NAV1: variants seen among roughly 807,000 people sequenced by gnomAD.
NAV1 encodes neuron navigator 1.
NAV1 carries 18 observed loss-of-function variants against 175.2 expected under a neutral mutation model. That is an observed-to-expected ratio of 0.10 (90% CI 0.07 to 0.15). The LOEUF is 0.15. Among genes scored for constraint, NAV1 ranks in the 10% least tolerant of loss-of-function variants. The probability of loss-of-function intolerance (pLI) is 1.00; values close to 1 mark genes in which losing one functional copy is unlikely to be tolerated. For missense variants in NAV1, 1,731 were observed against 2,436.6 expected (o/e 0.71, Z 6.10); for synonymous variants, 897 against 978.7 (o/e 0.92, Z 1.56).
chr1:201,561,393 A>T (rs1461746458), intron 1 of NAV1, among the ~76,000 whole-genome samples: 1 of 152,236 alleles, frequency 6.6e-6, no homozygotes, highest in Non-Finnish European at 1.5e-5. Context: ...CAAAAACAGG[A>T]TGTGGGAGCT....
intron 1 of NAV1, among the ~76,000 whole-genome samples, chr1:201,702,849 C>T (rs1188818814): frequency 6.6e-6 from 1 of 152,120 alleles, no homozygotes; most frequent in East Asian, 1.9e-4. Context: ...TACTCAACCT[C>T]CCCAGGCTTC....
In NAV1 at chr1:201,708,848, G is replaced by C. The variant is rs373253083; in HGVS notation, c.758-3969G>C. On this transcript the variant is annotated intron_variant, in intron 1 of 29. Transcript: ENST00000367296. ...GCAGCCTCCAGGGCATCTCAACTTA[G>C]CCAATAAAACAAGCCATTAGCCAGG... is the stretch of plus-strand genomic sequence containing the variant. Among the ~76,000 whole-genome samples, 3 of 152,076 alleles carry C rather than the reference G, an allele frequency of 2.0e-5. No homozygotes were observed. In the East Asian group the frequency reaches 5.8e-4, roughly 29 times the overall value.
intron 2 of NAV1, among the ~76,000 whole-genome samples, chr1:201,642,921 C>T (rs531428755): frequency 2.0e-5 from 3 of 152,094 alleles, no homozygotes; most frequent in Non-Finnish European, 4.4e-5. Flanking sequence ...AGGCGCCCAC[C>T]ACCACACCTA....
At chr1:201,687,097 C>A (rs1483490893) in intron 1 of NAV1, among the ~76,000 whole-genome samples, 1 of 152,226 alleles carries the variant, frequency 6.6e-6, no homozygotes, top group East Asian at 1.9e-4. Context: ...TTAGGAAGGT[C>A]TCCTTTGCCA....
chr1:201,726,438 G>A (rs1672609244), intron 3 of NAV1, among the ~76,000 whole-genome samples: 1 of 152,086 alleles, frequency 6.6e-6, no homozygotes, highest in South Asian at 2.1e-4. Flanking sequence ...GAGGTCAGGA[G>A]TTCAAGACCA....
rs1405380998 is a variant in NAV1 at position 201,821,126 on chromosome 1, T to C, written c.*1194T>C. The C allele has an allele frequency of 3.3e-5, 5 of 152,724 alleles. No homozygotes were observed. In the East Asian group the frequency reaches 7.7e-4, roughly 24 times the overall value. The allele number at this position is 152,724 out of a possible 1,614,324, so 9.5% of individuals were successfully genotyped here. A position where few individuals can be genotyped will look rare whatever the true frequency, so the allele number is the denominator to read the frequency against. ...ATGAGAAGGTATAGCCCCATCTTGA[T>C]AGAAGAGTTACTCCGAGCTTTATCA... is the stretch of plus-strand genomic sequence containing the variant. On this transcript the variant is annotated 3_prime_UTR_variant, in exon 30 of 30. Coordinates refer to ENST00000367296, the Ensembl canonical transcript of NAV1.
intron 14 of NAV1, 114 bp downstream of exon 18, chr1:201,793,989 T>C: frequency 1.2e-6 from 1 of 844,534 alleles, no homozygotes; most frequent in Non-Finnish European, 1.9e-6. Context: ...TCTCCCCACC[T>C]CACTGTCACC....
At position 201,545,360 on chromosome 1, in the gene NAV1, C is replaced by CT. The variant is rs889765521; in HGVS notation, c.-144+6029dup. Among the ~76,000 whole-genome samples the CT allele has an allele frequency of 8.2e-4, 122 of 149,444 alleles. 1 individual carries two copies. Among genetic ancestry groups the CT allele is most frequent in the Middle Eastern group, 3.4e-3 (1 of 290 alleles). On this transcript the variant is annotated intron_variant, in intron 1 of 33. Coordinates refer to the NAV1 transcript ENST00000685211. Reference sequence around the variant, plus strand: ...TGCCAGATTTAATCTTTTTTCTTTTCTTTTTTTTTTTAATTAATTTATTTA... The same window carrying CT: ...TGCCAGATTTAATCTTTTTTCTTTTCTTTTTTTTTTTTAATTAATTTATTTA...
Position 201,682,551 on chromosome 1 carries a change from G to A in NAV1, c.758-30266G>A, listed in dbSNP as rs75198538. ...CTACTACATATTGTAGTTCTCCTTG[G>A]CATACTCAAGGGATTGGTTCCAGGA... On this transcript the variant is annotated intron_variant, in intron 1 of 29. Coordinates refer to ENST00000367296, the Ensembl canonical transcript of NAV1. 8.2e-3 allele frequency among the ~76,000 whole-genome samples: 1,241 copies of A among 152,086 alleles called. 13 individuals are homozygous for A. Among genetic ancestry groups the A allele is most frequent in the African/African-American group, 0.028 (1,178 of 41,476 alleles).
At chr1:201,621,303 T>C (rs1403446770), upstream of NAV1, among the ~76,000 whole-genome samples, 5 of 151,856 alleles carry the variant, frequency 3.3e-5, no homozygotes, top group Non-Finnish European at 7.4e-5. Flanking sequence ...TCCTTGTTTT[T>C]CATACTTGTT....
At chr1:201,729,524 C>G (rs905860293) in intron 3 of NAV1, among the ~76,000 whole-genome samples, 1 of 151,858 alleles carries the variant, frequency 6.6e-6, no homozygotes, top group African/African-American at 2.4e-5. Flanking sequence ...TCCTGTAGTC[C>G]CAGCTACTTG....
At chr1:201,661,736 G>A (rs1311071648) in intron 1 of NAV1, among the ~76,000 whole-genome samples, 2 of 152,150 alleles carry the variant, frequency 1.3e-5, no homozygotes, top group African/African-American at 4.8e-5. Flanking sequence ...GCATTTCAGG[G>A]AACGACTTCC....
chr1:201,649,855 A>C (rs1669120219), intron 1 of NAV1, among the ~76,000 whole-genome samples: 1 of 152,130 alleles, frequency 6.6e-6, no homozygotes, highest in South Asian at 2.1e-4. Context: ...TAGAGGACAG[A>C]TGTGGGAGAG....
At chr1:201,768,333 G>GAAAA (rs57027212) in intron 3 of NAV1, among the ~76,000 whole-genome samples, 2 of 105,672 alleles carry the variant, frequency 1.9e-5, no homozygotes, top group Admixed American at 9.7e-5. Context: ...CCGTCTCAGA[G>GAAAA]AAAAAAAAAA....
At chr1:201,772,246 A>G (rs1675634144) in intron 3 of NAV1, among the ~76,000 whole-genome samples, 1 of 152,226 alleles carries the variant, frequency 6.6e-6, no homozygotes, top group African/African-American at 2.4e-5. Flanking sequence ...GGAAAGCCTC[A>G]TGGAAGACTT....
Position 201,718,890 on chromosome 1 carries a change from T to C in NAV1, c.1226+135T>C. The stretch of plus-strand genomic sequence containing the variant: ...GCTATGAAAGTACACAAAAGTGTGC[T>C]GTGTACACTTTGTGATTGCCTCTGA... On this transcript the variant is annotated intron_variant, in intron 3 of 29. Transcript: ENST00000367296. The surrounding 1 kb of genome is among the most constrained non-coding windows in gnomAD (Gnocchi z 4.8). The C allele has an allele frequency of 8.7e-7, 1 of 1,148,086 alleles. No homozygotes were observed. Among genetic ancestry groups the C allele is most frequent in the Non-Finnish European group, 1.2e-6 (1 of 806,986 alleles). The allele number at this position is 1,148,086 out of a possible 1,614,324, so 71.1% of individuals were successfully genotyped here.
chr1:201,606,488 C>T (rs1244007882), intron 2 of NAV1, among the ~76,000 whole-genome samples: 1 of 152,196 alleles, frequency 6.6e-6, no homozygotes, highest in African/African-American at 2.4e-5. Flanking sequence ...GTCATCCTGT[C>T]CATGCACCTG....
In NAV1 at chr1:201,732,029, A is replaced by T. The variant is rs150032647; in HGVS notation, c.1226+13274A>T. On this transcript the variant is annotated intron_variant, in intron 3 of 29. Coordinates refer to ENST00000367296, the Ensembl canonical transcript of NAV1. ...TCCTTGCTCCCTGTGTGAGGTTCCA[A>T]CTGAGAGATCCCACCCTTCCCAGCT... Among the ~76,000 whole-genome samples the T allele has an allele frequency of 2.6e-3, 402 of 152,256 alleles. 2 individuals are homozygous for T. The highest frequency in any genetic ancestry group is 8.8e-3 in the African/African-American group (366 of 41,536).
intron 3 of NAV1, among the ~76,000 whole-genome samples, chr1:201,736,572 TG>T (rs1251997194): frequency 2.0e-5 from 3 of 152,078 alleles, no homozygotes; most frequent in Non-Finnish European, 4.4e-5. Context: ...GGGGAAGGTG[TG>T]GGAAGGAAGA....
Sources: gnomAD v4.1 joint callset for allele counts (sites outside exome capture counted in the v4.1 genomes callset) on GRCh38, gnomAD v4.1.1 for gene constraint, Gnocchi (gnomAD v3.1) non-coding constraint, MANE v1.5 for transcripts, NCBI Gene and HGNC (gene_info 2026-07-23, HGNC 2026-07-21) for gene names.